LPCAT1: variants seen among roughly 807,000 people sequenced by gnomAD.
LPCAT1 encodes the protein 1-acylglycerol-3-phosphate O-acyltransferase.
In LPCAT1, 23 loss-of-function variants were observed where a neutral mutation model predicts 60.9. That is an observed-to-expected ratio of 0.38 (90% confidence interval 0.27 to 0.53). The LOEUF (loss-of-function observed/expected upper bound fraction) is 0.53. Among genes scored for constraint, LPCAT1 ranks in the 20% least tolerant of loss-of-function variants. The pLI, the probability that LPCAT1 is intolerant of heterozygous loss-of-function variation, is 0.82. For missense variants in LPCAT1, 622 were observed against 723.6 expected, an observed-to-expected ratio of 0.86 and a Z score of 1.61; for synonymous variants, 340 against 301.1, an observed-to-expected ratio of 1.13 and a Z score of -1.34.
rs576824558 is a variant in LPCAT1 at position 1,463,540 on chromosome 5, A to G, written c.*111T>C. On this transcript the variant is annotated 3_prime_UTR_variant, in exon 14 of 14. Transcript: ENST00000283415. The stretch of plus-strand genomic sequence containing the variant: ...GAGGCCCCTGGAACTCGGGCTGAAG[A>G]CAGTGCCTGTACAGCAGGAGTGAGG... 1 of 1,194,396 alleles carries G rather than the reference A, an allele frequency of 8.4e-7. No individual in the cohort carries two copies. The highest frequency in any genetic ancestry group is 1.2e-6 in the Non-Finnish European group (1 of 855,548). 74.0% of individuals were successfully genotyped at this position (1,194,396 alleles called of 1,614,324 possible).
Position 1,463,875 on chromosome 5 carries a change from G to A in LPCAT1, c.1421-40C>T, listed in dbSNP as rs574853664. On this transcript the variant is annotated intron_variant, in intron 13 of 13. Coordinates refer to ENST00000283415, the MANE Select transcript of LPCAT1 (RefSeq NM_024830.5). ...GCACCTGTGGTTATGGAATGGGGAC[G>A]AGCAAATGTCTAGGATTTGGAGGCT... 6 of 1,600,582 alleles carry A rather than the reference G, an allele frequency of 3.7e-6. No homozygotes were observed. In the African/African-American group the frequency reaches 4.0e-5, roughly 11 times the overall value.
intron 13 of LPCAT1, among the ~76,000 whole-genome samples, chr5:1,464,692 G>A (rs931673634): frequency 7.9e-6 from 1 of 126,568 alleles, no homozygotes; most frequent in Non-Finnish European, 1.6e-5. Context: ...ACAAACACAT[G>A]CGTGCACACA....
intron 1 of LPCAT1, among the ~76,000 whole-genome samples, chr5:1,516,726 A>C (rs1460472173): frequency 6.6e-6 from 1 of 152,122 alleles, no homozygotes; most frequent in Non-Finnish European, 1.5e-5. Context: ...TTCAAGAGTA[A>C]AATCAAGGTT....
chr5:1,473,143 G>A (rs1348882456), intron 11 of LPCAT1, among the ~76,000 whole-genome samples: 1 of 152,128 alleles, frequency 6.6e-6, no homozygotes, highest in Non-Finnish European at 1.5e-5. Context: ...GCCAGCCCGG[G>A]TTCCACCCAG....
At position 1,522,602 on chromosome 5, in the gene LPCAT1, G is replaced by A. The variant is rs1736709095; in HGVS notation, c.135+1108C>T. Among the ~76,000 whole-genome samples the A allele has an allele frequency of 6.6e-6, 1 of 152,204 alleles. No individual in the cohort carries two copies. Among genetic ancestry groups the A allele is most frequent in the African/African-American group, 2.4e-5 (1 of 41,444 alleles). On this transcript the variant is annotated intron_variant, in intron 1 of 13. Coordinates refer to ENST00000283415, the MANE Select transcript of LPCAT1 (RefSeq NM_024830.5). The surrounding 1 kb of genome is among the most constrained non-coding windows in gnomAD (Gnocchi z 6.8). ...CAAGGGGCTTTGAGCAAAAGCAGGCGTCCTGGGAAAATGACAAGCTCAAAC... is the reference window on the plus strand; with the variant it reads ...CAAGGGGCTTTGAGCAAAAGCAGGCATCCTGGGAAAATGACAAGCTCAAAC...
rs1049493194 is a variant in LPCAT1, at chr5:1,483,683, G to A, written c.668-197C>T. On this transcript the variant is annotated intron_variant, in intron 5 of 13. Coordinates refer to ENST00000283415, the MANE Select transcript of LPCAT1 (RefSeq NM_024830.5). This position sits in a 1 kb window ranked among gnomAD's most constrained non-coding sequence, Gnocchi z 9.2. ...CCAGCGCCACAGCACGGATGGGCAG[G>A]AACATCGGCCAGGGGCGCTCCCCGG... is the stretch of plus-strand genomic sequence containing the variant. 2.0e-5 allele frequency among the ~76,000 whole-genome samples: 3 copies of A among 152,262 alleles called. No individual in the cohort carries two copies. The highest frequency in any genetic ancestry group is 7.2e-5 in the African/African-American group (3 of 41,476).
intron 1 of LPCAT1, among the ~76,000 whole-genome samples, chr5:1,509,860 C>A (rs976185860): frequency 6.6e-6 from 1 of 152,184 alleles, no homozygotes; most frequent in Non-Finnish European, 1.5e-5. Flanking sequence ...CACACACAAC[C>A]ACTCTTACCT....
chr5:1,462,410 A>C lies in LPCAT1; in HGVS notation c.*1241T>G, dbSNP rs531075561. 2 of 152,444 alleles carry C rather than the reference A, an allele frequency of 1.3e-5. No homozygotes were observed. The highest frequency in any genetic ancestry group is 2.9e-5 in the Non-Finnish European group (2 of 68,052). 9.4% of individuals were successfully genotyped at this position (152,444 alleles called of 1,614,324 possible). ...GGAAGCCCCTCTGCCTTTGACTCTA[A>C]GATGGGGCAGGACCCCCGCTCTCAG... On this transcript the variant is annotated 3_prime_UTR_variant, in exon 14 of 14. Transcript: ENST00000283415.
chr5:1,523,120 GCCTACAGGGGAC>G lies in LPCAT1; in HGVS notation c.135+578_135+589del, dbSNP rs573367367. 2.4e-3 allele frequency among the ~76,000 whole-genome samples: 361 copies of G among 152,354 alleles called. 1 individual carries two copies. Among genetic ancestry groups the G allele is most frequent in the Middle Eastern group, 0.02 (6 of 294 alleles). Reference sequence around the variant, plus strand: ...GGCCGCAGAGCAGGGAGACCCGTGCGCCTACAGGGGACCCTACAGGGGACCCGCACCGCCCGC... The same window carrying G: ...GGCCGCAGAGCAGGGAGACCCGTGCGCCTACAGGGGACCCGCACCGCCCGC... On this transcript the variant is annotated intron_variant, in intron 1 of 13. Coordinates refer to ENST00000283415, the MANE Select transcript of LPCAT1 (RefSeq NM_024830.5). The surrounding 1 kb of genome is among the most constrained non-coding windows in gnomAD (Gnocchi z 7.1).
chr5:1,513,178 G>A (rs982638560), intron 1 of LPCAT1, among the ~76,000 whole-genome samples: 2 of 152,136 alleles, frequency 1.3e-5, no homozygotes, highest in African/African-American at 2.4e-5. Flanking sequence ...GCTGGCCTCC[G>A]GGTCCTGCCC....
chr5:1,486,118 CAAG>C (rs1735362251), intron 5 of LPCAT1, among the ~76,000 whole-genome samples: 1 of 152,192 alleles, frequency 6.6e-6, no homozygotes, highest in South Asian at 2.1e-4. Flanking sequence ...TGCCCTCTGA[CAAG>C]GAGGGTGAGT....
intron 1 of LPCAT1, among the ~76,000 whole-genome samples, chr5:1,512,655 G>A (rs1009909088): frequency 2.0e-5 from 3 of 152,244 alleles, no homozygotes; most frequent in African/African-American, 4.8e-5. Context: ...TATGGCCCAC[G>A]CCTTCACCTG....
Position 1,463,387 on chromosome 5 carries a change from C to T in LPCAT1, c.*264G>A, listed in dbSNP as rs934144287. 2.1e-5 allele frequency: 10 copies of T among 470,750 alleles called. No individual in the cohort carries two copies. The highest frequency in any genetic ancestry group is 2.3e-5 in the Non-Finnish European group (6 of 265,686). The allele number at this position is 470,750 out of a possible 1,614,324, so 29.2% of individuals were successfully genotyped here. On this transcript the variant is annotated 3_prime_UTR_variant, in exon 14 of 14. Transcript: ENST00000283415. ...CGGGGCGGCACCGGTGCCCCCCGCC[C>T]GGCAGGGAACCTGACCCCACGGGGT...
rs768496711 is a variant in LPCAT1 at position 1,488,466 on chromosome 5, A to G, written c.607-15T>C. 1 of 1,564,196 alleles carries G rather than the reference A, an allele frequency of 6.4e-7. No homozygotes were observed. Among genetic ancestry groups the G allele is most frequent in the African/African-American group, 1.4e-5 (1 of 73,208 alleles). ...AAAATCATTATCTGGAAGTGGGAGA[A>G]AGAAAAGGATCAGCATTAAACTGTA... On this transcript the variant is annotated splice_polypyrimidine_tract_variant and intron_variant, in intron 4 of 13. Transcript: ENST00000283415.
chr5:1,477,343 G>A lies in LPCAT1; in HGVS notation c.899+61C>T. On this transcript the variant is annotated intron_variant, in intron 9 of 13. Transcript: ENST00000283415. This position sits in a 1 kb window ranked among gnomAD's most constrained non-coding sequence, Gnocchi z 6.0. Reference sequence around the variant, plus strand: ...CGCTGTTGCCTATTTTAAATATACAGAGAGCAGCACTCTGGGAGACACCCC... The same window carrying A: ...CGCTGTTGCCTATTTTAAATATACAAAGAGCAGCACTCTGGGAGACACCCC... The A allele has an allele frequency of 7.4e-7, 1 of 1,355,244 alleles. No individual in the cohort carries two copies. Among genetic ancestry groups the A allele is most frequent in the South Asian group, 1.2e-5 (1 of 84,104 alleles). The allele number at this position is 1,355,244 out of a possible 1,614,324, so 84.0% of individuals were successfully genotyped here.
chr5:1,519,700 G>C (rs1736612718), intron 1 of LPCAT1, among the ~76,000 whole-genome samples: 2 of 152,230 alleles, frequency 1.3e-5, no homozygotes, highest in Non-Finnish European at 2.9e-5. Flanking sequence ...AGTGACCAGA[G>C]GCGAGGACAC....
Position 1,523,919 on chromosome 5 carries a change from G to C in LPCAT1, c.-75C>G. ...CGGGGCCGGGGCTAGCTGGGCGCGG[G>C]TCTCGGGGCGCGGGCCGAGGATGCG... On this transcript the variant is annotated 5_prime_UTR_variant, in exon 1 of 14. Transcript: ENST00000283415. The surrounding 1 kb of genome is among the most constrained non-coding windows in gnomAD (Gnocchi z 7.1). 1.0e-6 allele frequency: 1 copy of C among 965,618 alleles called. No homozygotes were observed. Among genetic ancestry groups the C allele is most frequent in the Non-Finnish European group, 1.2e-6 (1 of 809,452 alleles). The allele number at this position is 965,618 out of a possible 1,614,324, so 59.8% of individuals were successfully genotyped here.
chr5:1,513,301 C>T (rs1256142309), intron 1 of LPCAT1, among the ~76,000 whole-genome samples: 2 of 152,204 alleles, frequency 1.3e-5, no homozygotes, highest in Non-Finnish European at 2.9e-5. Flanking sequence ...CTGGTCCCTA[C>T]ATATGACGTC....
At chr5:1,475,240 T>G (rs1172344101) in intron 9 of LPCAT1, among the ~76,000 whole-genome samples, 1 of 152,198 alleles carries the variant, frequency 6.6e-6, no homozygotes, top group East Asian at 1.9e-4. Context: ...CCGCTGAAGT[T>G]CCCCTTGGCA....
Sources: allele counts gnomAD v4.1 joint callset (sites outside exome capture counted in the v4.1 genomes callset), GRCh38; gene constraint gnomAD v4.1.1; non-coding constraint Gnocchi (gnomAD v3.1); transcripts MANE v1.5; gene names NCBI Gene and HGNC (gene_info 2026-07-23, HGNC 2026-07-21).